Variants in B3GALT1 observed in about 807,000 individuals in gnomAD.
B3GALT1 encodes the protein UDP-Gal:betaGlcNAc beta 1,3-galactosyltransferase, polypeptide 1.
In B3GALT1, 10 loss-of-function variants were observed where a neutral mutation model predicts 23.2. That is an observed-to-expected ratio of 0.43 (90% confidence interval 0.27 to 0.73). B3GALT1 has a LOEUF of 0.73. Among genes scored for constraint, B3GALT1 ranks in the 30% least tolerant of loss-of-function variants. The probability of loss-of-function intolerance (pLI) is 0.21; values close to 1 mark genes in which losing one functional copy is unlikely to be tolerated. For synonymous variants in B3GALT1, 156 were observed against 141.5 expected (o/e 1.10, Z -0.73); for missense variants, 299 against 405.4 (o/e 0.74, Z 2.25).
At chr2:167,375,018 G>T (rs116046460) in intron 1 of B3GALT1, among the ~76,000 whole-genome samples, 54 of 152,162 alleles carry the variant, frequency 3.5e-4, no homozygotes, top group African/African-American at 1.2e-3. Context: ...TGGATATGGC[G>T]AAAGATAGGG....
chr2:167,505,459 T>C (rs1448228993), intron 2 of B3GALT1, among the ~76,000 whole-genome samples: 1 of 152,076 alleles, frequency 6.6e-6, no homozygotes, highest in Non-Finnish European at 1.5e-5. Flanking sequence ...ATATTAACAC[T>C]CACAAATTTA....
intron 3 of B3GALT1, among the ~76,000 whole-genome samples, chr2:167,661,250 A>T (rs1163018669): frequency 6.6e-6 from 1 of 152,102 alleles, no homozygotes; most frequent in Admixed American, 6.6e-5. Flanking sequence ...TTTATTGAAG[A>T]TGCTTTTATA....
At chr2:167,707,552 G>A (rs767406268) in intron 3 of B3GALT1, among the ~76,000 whole-genome samples, 3 of 150,314 alleles carry the variant, frequency 2.0e-5, no homozygotes, top group Admixed American at 6.6e-5. Flanking sequence ...TCCTTGGCCC[G>A]TGCTTTCCTT....
chr2:167,372,077 A>T (rs1027762545), intron 1 of B3GALT1, among the ~76,000 whole-genome samples: 1 of 151,970 alleles, frequency 6.6e-6, no homozygotes, highest in Non-Finnish European at 1.5e-5. Flanking sequence ...AGTTTCATTT[A>T]TTAGCACATT....
At chr2:167,557,431 T>A in intron 2 of B3GALT1, among the ~76,000 whole-genome samples, 1 of 152,346 alleles carries the variant, frequency 6.6e-6, no homozygotes, top group African/African-American at 2.4e-5. Flanking sequence ...AGGTTTGTTA[T>A]ATATTATTTA....
intron 4 of B3GALT1, among the ~76,000 whole-genome samples, chr2:167,864,132 T>C (rs182307976): frequency 6.6e-6 from 1 of 152,288 alleles, no homozygotes; most frequent in East Asian, 1.9e-4. Context: ...TTTAATGTGC[T>C]CTTTGCAAAT....
At chr2:167,341,005 AAAATC>A (rs931657874) in intron 1 of B3GALT1, among the ~76,000 whole-genome samples, 27 of 152,206 alleles carry the variant, frequency 1.8e-4, no homozygotes, top group African/African-American at 4.6e-4. Flanking sequence ...ATAAAACAAT[AAAATC>A]AAATGGAAAT....
intron 2 of B3GALT1, among the ~76,000 whole-genome samples, chr2:167,583,861 T>C (rs2105409995): frequency 6.6e-6 from 1 of 152,298 alleles, no homozygotes; most frequent in Non-Finnish European, 1.5e-5. Context: ...GGCTGCAAGC[T>C]CCACATCTAG....
chr2:167,601,677 G>C (rs573400736), intron 2 of B3GALT1, among the ~76,000 whole-genome samples: 1 of 152,136 alleles, frequency 6.6e-6, no homozygotes, highest in Non-Finnish European at 1.5e-5. Context: ...GCAGCTAATC[G>C]AGTGGCAGAA....
In B3GALT1 at chr2:167,324,967, G is replaced by T. The variant is rs78454762; in HGVS notation, c.-511+31633G>T. ...AGCTCCCACATATGAGTGATAACAT[G>T]TGATATTTGCATTCCTCTACCTGGC... On this transcript the variant is annotated intron_variant, in intron 1 of 4. Transcript: ENST00000392690. Among the ~76,000 whole-genome samples the T allele has an allele frequency of 1.3e-4, 20 of 152,044 alleles. No individual in the cohort carries two copies. The East Asian group carries it at 3.9e-3, about 29-fold the overall frequency.
chr2:167,711,954 C>T (rs138469789), intron 3 of B3GALT1, among the ~76,000 whole-genome samples: 255 of 152,192 alleles, frequency 1.7e-3, no homozygotes, highest in African/African-American at 5.9e-3. Context: ...GGTGACAGAG[C>T]GCAACTTCGT....
chr2:167,841,298 A>G (rs1689645008), intron 4 of B3GALT1, among the ~76,000 whole-genome samples: 3 of 152,086 alleles, frequency 2.0e-5, no homozygotes, highest in African/African-American at 4.8e-5. Flanking sequence ...TTAGAGCACA[A>G]TACAGGTCAG....
At chr2:167,441,673 A>G (rs1698895546) in intron 1 of B3GALT1, among the ~76,000 whole-genome samples, 1 of 152,140 alleles carries the variant, frequency 6.6e-6, no homozygotes, top group African/African-American at 2.4e-5. Context: ...GAACAAATAT[A>G]TTCAGATGCT....
Position 167,343,567 on chromosome 2 carries a change from A to G in B3GALT1, c.-511+50233A>G, listed in dbSNP as rs372285695. Reference sequence around the variant, plus strand: ...GCCATTATTATGATTATGGGGAAAGAAAAACCTCTTTTTTTCCTGCTTAGC... The same window carrying G: ...GCCATTATTATGATTATGGGGAAAGGAAAACCTCTTTTTTTCCTGCTTAGC... On this transcript the variant is annotated intron_variant, in intron 1 of 4. Transcript: ENST00000392690. Among the ~76,000 whole-genome samples the G allele has an allele frequency of 2.0e-4, 31 of 152,278 alleles. No homozygotes were observed. The South Asian group carries it at 6.4e-3, about 32-fold the overall frequency.
At chr2:167,600,544 C>T (rs937879655) in intron 2 of B3GALT1, among the ~76,000 whole-genome samples, 2 of 152,202 alleles carry the variant, frequency 1.3e-5, no homozygotes, top group Non-Finnish European at 2.9e-5. Context: ...TCCCCACCCA[C>T]TCCTGTTCCC....
At chr2:167,349,559 C>T (rs764367502) in intron 1 of B3GALT1, among the ~76,000 whole-genome samples, 31 of 152,096 alleles carry the variant, frequency 2.0e-4, no homozygotes, top group Non-Finnish European at 3.7e-4. Flanking sequence ...ATAAGTTTTC[C>T]ATCCATGAAA....
intron 2 of B3GALT1, among the ~76,000 whole-genome samples, chr2:167,635,238 A>T (rs567341431): frequency 6.6e-6 from 1 of 152,172 alleles, no homozygotes; most frequent in African/African-American, 2.4e-5. Flanking sequence ...CGCACAGTCA[A>T]TATCATACTG....
At chr2:167,562,294 A>T in intron 2 of B3GALT1, among the ~76,000 whole-genome samples, 1 of 152,242 alleles carries the variant, frequency 6.6e-6, no homozygotes, top group Non-Finnish European at 1.5e-5. Flanking sequence ...TTAGGTATTG[A>T]TGGGACATAT....
intron 2 of B3GALT1, among the ~76,000 whole-genome samples, chr2:167,562,461 A>G (rs1055751097): frequency 5.3e-5 from 8 of 151,990 alleles, no homozygotes; most frequent in African/African-American, 9.7e-5. Context: ...GGCCAGGGCA[A>G]TTAGGCAGGA....
Sources: gnomAD v4.1 joint callset for allele counts (sites outside exome capture counted in the v4.1 genomes callset) on GRCh38, gnomAD v4.1.1 for gene constraint, MANE v1.5 for transcripts, NCBI Gene and HGNC (gene_info 2026-07-23, HGNC 2026-07-21) for gene names.